Variants in LITAF observed in about 807,000 individuals in gnomAD.
LITAF encodes lipopolysaccharide induced TNF factor.
LITAF carries 9 observed loss-of-function variants against 14.5 expected under a neutral mutation model. The ratio of observed to expected loss-of-function variants is 0.62; its 90% CI spans 0.37 to 1.08. The LOEUF is 1.08. Ranked by LOEUF, LITAF falls within the 50% of genes least tolerant of loss-of-function variation. The pLI is 0.01. For missense variants in LITAF, 206 were observed against 213.4 expected (o/e 0.97, Z 0.22); for synonymous variants, 98 against 88.2 (o/e 1.11, Z -0.62).
intron 3 of LITAF, among the ~76,000 whole-genome samples, chr16:11,633,316 C>A (rs2065126193): frequency 6.6e-6 from 1 of 152,164 alleles, no homozygotes; most frequent in South Asian, 2.1e-4. Context: ...GTGCCTCCCT[C>A]ACCTCATTTG....
chr16:11,596,862 G>A (rs2141858618), intron 1 of LITAF, among the ~76,000 whole-genome samples: 2 of 151,892 alleles, frequency 1.3e-5, no homozygotes, highest in East Asian at 1.9e-4. Context: ...ACAGTGATGG[G>A]CACACAAGCT....
intron 3 of LITAF, among the ~76,000 whole-genome samples, chr16:11,606,321 A>G (rs752696495): frequency 6.6e-6 from 1 of 151,860 alleles, no homozygotes; most frequent in Non-Finnish European, 1.5e-5. Flanking sequence ...GGCACGCACC[A>G]CCATGCCCAG....
chr16:11,555,802 C>T (rs1248444451), intron 2 of LITAF, among the ~76,000 whole-genome samples: 2 of 152,254 alleles, frequency 1.3e-5, no homozygotes, highest in Non-Finnish European at 2.9e-5. Context: ...AACGAGTACT[C>T]TGTATTTGGC....
intron 1 of LITAF, among the ~76,000 whole-genome samples, chr16:11,579,407 C>T (rs527422566): frequency 0.01 from 1,556 of 151,250 alleles, 47 homozygotes; most frequent in African/African-American, 0.036. Context: ...GCCGAGATTG[C>T]GCCACTGCAG....
At chr16:11,563,558 G>C (rs1424978228) in intron 1 of LITAF, among the ~76,000 whole-genome samples, 1 of 152,120 alleles carries the variant, frequency 6.6e-6, no homozygotes, top group Non-Finnish European at 1.5e-5. Flanking sequence ...CCTAATACAT[G>C]AAAGTGCGTT....
intron 3 of LITAF, among the ~76,000 whole-genome samples, chr16:11,552,924 G>A (rs2064203310): frequency 6.6e-6 from 1 of 152,056 alleles, no homozygotes; most frequent in African/African-American, 2.4e-5. Context: ...GACCAGCCTG[G>A]CCAACATGGT....
chr16:11,597,005 C>G (rs2064893603), intron 1 of LITAF, among the ~76,000 whole-genome samples: 1 of 152,210 alleles, frequency 6.6e-6, no homozygotes, highest in South Asian at 2.1e-4. Flanking sequence ...TAACATGCCT[C>G]GAATCACAGA....
chr16:11,568,958 G>T (rs2064500356), intron 1 of LITAF, among the ~76,000 whole-genome samples: 1 of 152,048 alleles, frequency 6.6e-6, no homozygotes, highest in Non-Finnish European at 1.5e-5. Context: ...GGAATTACAG[G>T]CATGAGCCAC....
chr16:11,622,885 G>A (rs955026308), intron 3 of LITAF, among the ~76,000 whole-genome samples: 3 of 151,364 alleles, frequency 2.0e-5, no homozygotes, highest in African/African-American at 7.3e-5. Flanking sequence ...CAGGTATTTC[G>A]TATATCATTA....
Position 11,610,412 on chromosome 16 carries a change from G to C in LITAF, c.85+23121C>G, listed in dbSNP as rs558401598. The stretch of plus-strand genomic sequence containing the variant: ...AAGGACGTGGCGGTCGGGCAGGCAG[G>C]AAATCTTTATTCTGGTCCTTCAAGC... On this transcript the variant is annotated intron_variant, in intron 3 of 3. Transcript: ENST00000574848. 4.0e-5 allele frequency among the ~76,000 whole-genome samples: 5 copies of C among 123,736 alleles called. No individual in the cohort carries two copies. The Admixed American group carries it at 4.2e-4, about 10-fold the overall frequency. The allele number at this position is 123,736 out of a possible 152,430, so 81.2% of individuals were successfully genotyped here.
intron 1 of LITAF, among the ~76,000 whole-genome samples, chr16:11,565,196 C>T (rs1261111540): frequency 6.6e-6 from 1 of 151,610 alleles, no homozygotes; most frequent in Non-Finnish European, 1.5e-5. Context: ...AATTCTCCTG[C>T]CTCAGCCTCC....
Position 11,579,531 on chromosome 16 carries a change from T to A in LITAF, c.-6+7355A>T, listed in dbSNP as rs547219729. 1.1e-4 allele frequency among the ~76,000 whole-genome samples: 15 copies of A among 142,560 alleles called. 1 individual carries two copies. In the South Asian group the frequency reaches 1.9e-3, roughly 18 times the overall value. 93.5% of individuals were successfully genotyped at this position (142,560 alleles called of 152,430 possible). A position where few individuals can be genotyped will look rare whatever the true frequency, so the allele number is the denominator to read the frequency against. On this transcript the variant is annotated intron_variant, in intron 1 of 3. Coordinates refer to ENST00000622633, the MANE Select transcript of LITAF (RefSeq NM_001136472.2). ...AAATAAAATAAAATAAAATAAAATA[T>A]ATCAATGCAATGTAGTACCCTAGGT...
At chr16:11,628,343 T>C (rs777187300) in intron 3 of LITAF, among the ~76,000 whole-genome samples, 10 of 152,154 alleles carry the variant, frequency 6.6e-5, no homozygotes, top group Non-Finnish European at 1.2e-4. Flanking sequence ...TCCTGGGAAC[T>C]CTTTCTAGAG....
At chr16:11,610,688 G>C (rs529819009) in intron 3 of LITAF, among the ~76,000 whole-genome samples, 6 of 152,228 alleles carry the variant, frequency 3.9e-5, no homozygotes, top group African/African-American at 1.4e-4. Context: ...GTGGAAACAG[G>C]GTTGCTGTGT....
chr16:11,639,355 G>C (rs1301546505), upstream of LITAF, among the ~76,000 whole-genome samples: 1 of 150,946 alleles, frequency 6.6e-6, no homozygotes, highest in Non-Finnish European at 1.5e-5. Context: ...TGATTAGTGG[G>C]GGGAAGAATA....
At position 11,553,415 on chromosome 16, in the gene LITAF, A is replaced by G; in HGVS notation, c.377+118T>C. ...GACAGAACCAGATTCCATCTCAAAA[A>G]AAAACAACACAAATGTCTGGCCCTG... is the stretch of plus-strand genomic sequence containing the variant. On this transcript the variant is annotated intron_variant, in intron 3 of 3. Transcript: ENST00000622633. This position sits in a 1 kb window ranked among gnomAD's most constrained non-coding sequence, Gnocchi z 7.7. 3 of 1,196,544 alleles carry G rather than the reference A, an allele frequency of 2.5e-6. No homozygotes were observed. The highest frequency in any genetic ancestry group is 1.3e-5 in the South Asian group (1 of 76,778). 74.1% of individuals were successfully genotyped at this position (1,196,544 alleles called of 1,614,324 possible).
chr16:11,548,982 T>A lies in LITAF; in HGVS notation c.*655A>T, dbSNP rs976412749. On this transcript the variant is annotated 3_prime_UTR_variant, in exon 4 of 4. Transcript: ENST00000622633. ...ACAGGGCAGTGATAAGATCCAGCCCTATTTTTCTAGCATGCATTTACGACC... is the reference window on the plus strand; with the variant it reads ...ACAGGGCAGTGATAAGATCCAGCCCAATTTTTCTAGCATGCATTTACGACC... The A allele has an allele frequency of 2.2e-6, 1 of 453,936 alleles. No individual in the cohort carries two copies. Among genetic ancestry groups the A allele is most frequent in the African/African-American group, 2.0e-5 (1 of 49,972 alleles). 28.1% of individuals were successfully genotyped at this position (453,936 alleles called of 1,614,324 possible).
upstream of LITAF, among the ~76,000 whole-genome samples, chr16:11,599,540 C>T (rs1193148236): frequency 2.0e-5 from 3 of 152,148 alleles, no homozygotes; most frequent in African/African-American, 7.2e-5. Flanking sequence ...GATCTGTTTG[C>T]TGTAGCCACA....
At chr16:11,627,873 C>T (rs565405428) in intron 3 of LITAF, among the ~76,000 whole-genome samples, 297 of 151,908 alleles carry the variant, frequency 2.0e-3, no homozygotes, top group Non-Finnish European at 6.9e-4. Context: ...AAAAATTAGC[C>T]GGGCGTGGTA....
Sources: gnomAD v4.1 joint callset for allele counts (sites outside exome capture counted in the v4.1 genomes callset) on GRCh38, gnomAD v4.1.1 for gene constraint, Gnocchi (gnomAD v3.1) non-coding constraint, MANE v1.5 for transcripts, NCBI Gene and HGNC (gene_info 2026-07-23, HGNC 2026-07-21) for gene names.